Variants in KCTD8 observed in about 807,000 individuals in gnomAD.
KCTD8 encodes the protein BTB/POZ domain-containing protein KCTD8.
In KCTD8, 27 loss-of-function variants were observed where a neutral mutation model predicts 31.5. That is an observed-to-expected ratio of 0.86 (90% CI 0.63 to 1.18). KCTD8 has a LOEUF of 1.18. Ranked by LOEUF, KCTD8 falls within the 50% of genes most tolerant of loss-of-function variation. KCTD8 has a pLI of 0.00. For missense variants in KCTD8, 658 were observed against 647.7 expected, an observed-to-expected ratio of 1.02 and a Z score of -0.17; for synonymous variants, 290 against 280.0, an observed-to-expected ratio of 1.04 and a Z score of -0.36.
intron 1 of KCTD8, among the ~76,000 whole-genome samples, chr4:44,298,266 TAGTC>T (rs1353676913): frequency 6.6e-6 from 1 of 152,140 alleles, no homozygotes; most frequent in Non-Finnish European, 1.5e-5. Flanking sequence ...TTCCCATAAA[TAGTC>T]TGTCAGTCTT....
intron 1 of KCTD8, among the ~76,000 whole-genome samples, chr4:44,255,547 A>C (rs1715966061): frequency 6.6e-6 from 1 of 151,872 alleles, no homozygotes; most frequent in Non-Finnish European, 1.5e-5. Flanking sequence ...TATTGTCTTA[A>C]TAGAAAAAAC....
At chr4:44,180,289 G>GA (rs1713338787) in intron 1 of KCTD8, among the ~76,000 whole-genome samples, 1 of 151,962 alleles carries the variant, frequency 6.6e-6, no homozygotes, top group Admixed American at 6.6e-5. Context: ...GTAAGCAACA[G>GA]ATTAGTGAAT....
intron 1 of KCTD8, among the ~76,000 whole-genome samples, chr4:44,320,821 T>TAA (rs35748647): frequency 0.22 from 30,354 of 135,960 alleles, 3,819 homozygotes; most frequent in Non-Finnish European, 0.3. Context: ...TCCTGATTCT[T>TAA]AAAAAAAAAA....
chr4:44,432,999 CT>C lies in KCTD8; in HGVS notation c.961+14563del, dbSNP rs548181951. Among the ~76,000 whole-genome samples, 1,338 of 151,698 alleles carry C rather than the reference CT, an allele frequency of 8.8e-3. 14 individuals carry two copies. The highest frequency in any genetic ancestry group is 0.017 in the Middle Eastern group (5 of 294). On this transcript the variant is annotated intron_variant, in intron 1 of 1. Coordinates refer to ENST00000360029, the MANE Select transcript of KCTD8 (RefSeq NM_198353.3). ...TTGTCAATATCATTTCCAGGCTCCT[CT>C]TTATCACCATTCAAGAACCTCAGCA... is the stretch of plus-strand genomic sequence containing the variant.
intron 1 of KCTD8, among the ~76,000 whole-genome samples, chr4:44,357,304 G>A (rs1719369073): frequency 6.6e-6 from 1 of 152,168 alleles, no homozygotes; most frequent in Non-Finnish European, 1.5e-5. Context: ...TTGCGAGGCT[G>A]CCTTTTTCTC....
At chr4:44,348,926 A>AT (rs1327636284) in intron 1 of KCTD8, among the ~76,000 whole-genome samples, 3 of 151,816 alleles carry the variant, frequency 2.0e-5, no homozygotes, top group African/African-American at 4.8e-5. Context: ...TTTTTTTCTG[A>AT]TTTTTTTCCT....
intron 1 of KCTD8, among the ~76,000 whole-genome samples, chr4:44,306,746 G>C (rs893151572): frequency 3.3e-5 from 5 of 151,918 alleles, no homozygotes; most frequent in African/African-American, 9.7e-5. Context: ...CCATCTGACA[G>C]AACTAAGGAA....
chr4:44,178,599 A>T (rs895889222), intron 1 of KCTD8, among the ~76,000 whole-genome samples: 4 of 152,134 alleles, frequency 2.6e-5, no homozygotes, highest in Non-Finnish European at 5.9e-5. Flanking sequence ...AAGCAAAGCA[A>T]CTTACATTAA....
At position 44,174,581 on chromosome 4, in the gene KCTD8, C is replaced by T; in HGVS notation, c.*209G>A. On this transcript the variant is annotated 3_prime_UTR_variant, in exon 2 of 2. Transcript: ENST00000360029. ...AATCAGATATTCCATTTTGATTTAA[C>T]ACTTATTGATTTAATATTTTTTCCT... 1 of 454,216 alleles carries T rather than the reference C, an allele frequency of 2.2e-6. No homozygotes were observed. Among genetic ancestry groups the T allele is most frequent in the Non-Finnish European group, 3.8e-6 (1 of 259,874 alleles). 28.1% of individuals were successfully genotyped at this position (454,216 alleles called of 1,614,324 possible).
At chr4:44,268,367 G>C (rs370286190) in intron 1 of KCTD8, among the ~76,000 whole-genome samples, 1 of 151,690 alleles carries the variant, frequency 6.6e-6, no homozygotes, top group African/African-American at 2.4e-5. Flanking sequence ...AAACTCTCAA[G>C]AAATTAGGTA....
At chr4:44,199,164 A>C (rs1411098091) in intron 1 of KCTD8, among the ~76,000 whole-genome samples, 6 of 152,130 alleles carry the variant, frequency 3.9e-5, no homozygotes, top group Admixed American at 3.9e-4. Flanking sequence ...GTTCTTTTTG[A>C]CTACAAAAAG....
chr4:44,435,632 A>C (rs752402629), intron 1 of KCTD8, among the ~76,000 whole-genome samples: 1 of 152,102 alleles, frequency 6.6e-6, no homozygotes, highest in Non-Finnish European at 1.5e-5. Context: ...AAGGGGAGTT[A>C]TGCAACGATG....
rs191370433 is a variant in KCTD8 at position 44,355,428 on chromosome 4, G to A, written c.961+92135C>T. On this transcript the variant is annotated intron_variant, in intron 1 of 1. Coordinates refer to ENST00000360029, the MANE Select transcript of KCTD8 (RefSeq NM_198353.3). ...TCGTCTTTTCCTCATTAAGAACTAT[G>A]ACAAAGTGTTTTAGGTTTTAGTAAC... Among the ~76,000 whole-genome samples the A allele has an allele frequency of 1.4e-4, 21 of 152,144 alleles. 1 individual carries two copies. The highest frequency in any genetic ancestry group is 1.2e-3 in the East Asian group (6 of 5,180).
chr4:44,431,369 C>T (rs905516087), intron 1 of KCTD8, among the ~76,000 whole-genome samples: 8 of 151,480 alleles, frequency 5.3e-5, no homozygotes, highest in Non-Finnish European at 1.2e-4. Context: ...TTAATATTTG[C>T]TATTATCTTC....
intron 1 of KCTD8, among the ~76,000 whole-genome samples, chr4:44,355,773 T>C (rs1429567356): frequency 6.6e-6 from 1 of 152,120 alleles, no homozygotes; most frequent in Non-Finnish European, 1.5e-5. Flanking sequence ...AAGTAAGAAA[T>C]CAAAATTAGC....
At chr4:44,376,303 CAATGTTCCATGCAGCCAAATGGTA>C (rs1426791808) in intron 1 of KCTD8, among the ~76,000 whole-genome samples, 1 of 152,102 alleles carries the variant, frequency 6.6e-6, no homozygotes, top group African/African-American at 2.4e-5. Flanking sequence ...ATGGGGTGCA[CAATGTTCCATGCAGCCAAATGGTA>C]AATGTACTCA....
At chr4:44,276,133 A>C (rs563462304) in intron 1 of KCTD8, among the ~76,000 whole-genome samples, 1 of 152,092 alleles carries the variant, frequency 6.6e-6, no homozygotes, top group East Asian at 1.9e-4. Flanking sequence ...GTCTGCAGAC[A>C]ATCTAAAACA....
intron 1 of KCTD8, among the ~76,000 whole-genome samples, chr4:44,195,414 C>T (rs1385575069): frequency 6.6e-6 from 1 of 152,110 alleles, no homozygotes; most frequent in Admixed American, 6.5e-5. Flanking sequence ...GAATAGTCAG[C>T]TTTTCTGTTT....
chr4:44,174,650 G>A lies in KCTD8; in HGVS notation c.*140C>T. 1 of 572,580 alleles carries A rather than the reference G, an allele frequency of 1.7e-6. No individual in the cohort carries two copies. Among genetic ancestry groups the A allele is most frequent in the Non-Finnish European group, 2.9e-6 (1 of 345,980 alleles). The allele number at this position is 572,580 out of a possible 1,614,324, so 35.5% of individuals were successfully genotyped here. ...AAAGAACAACAACTAAAACATAAAA[G>A]AAAATACTGTCCCACATCCACTGTT... On this transcript the variant is annotated 3_prime_UTR_variant, in exon 2 of 2. Coordinates refer to ENST00000360029, the MANE Select transcript of KCTD8 (RefSeq NM_198353.3).
Sources: gnomAD v4.1 joint callset for allele counts (sites outside exome capture counted in the v4.1 genomes callset) on GRCh38, gnomAD v4.1.1 for gene constraint, MANE v1.5 for transcripts, NCBI Gene and HGNC (gene_info 2026-07-23, HGNC 2026-07-21) for gene names.